The following LAMA2 variants were observed in gnomAD, a reference collection of about 807,000 sequenced individuals.
LAMA2 encodes the protein laminin subunit alpha 2, also known as laminin subunit alpha-2.
In LAMA2, 269 loss-of-function variants were observed where a neutral mutation model predicts 364.8. The ratio of observed to expected loss-of-function variants is 0.74; its 90% CI spans 0.67 to 0.82. LAMA2 has a LOEUF of 0.82. Among genes scored for constraint, LAMA2 ranks in the 40% least tolerant of loss-of-function variants. LAMA2 has a pLI of 0.00. For missense variants in LAMA2, 3,807 were observed against 3,873.2 expected (o/e 0.98, Z 0.45); for synonymous variants, 1,379 against 1,370.6 (o/e 1.01, Z -0.14).
intron 3 of LAMA2, among the ~76,000 whole-genome samples, chr6:129,074,778 A>G (rs1252439813): frequency 6.6e-6 from 1 of 152,230 alleles, no homozygotes. Context: ...TTATGAAGAA[A>G]GAATATGTAA....
intron 58 of LAMA2, among the ~76,000 whole-genome samples, chr6:129,499,841 C>T (rs1209729716): frequency 1.3e-5 from 2 of 152,142 alleles, no homozygotes; most frequent in African/African-American, 4.8e-5. Context: ...CCTTGGCCTC[C>T]CGAGTAGCTG....
At chr6:129,477,343 A>C (rs986402618) in intron 53 of LAMA2, among the ~76,000 whole-genome samples, 2 of 152,186 alleles carry the variant, frequency 1.3e-5, no homozygotes, top group African/African-American at 4.8e-5. Context: ...AGTTCTGTGG[A>C]ATAGCACTGT....
intron 4 of LAMA2, among the ~76,000 whole-genome samples, chr6:129,122,671 AC>A (rs1776866417): frequency 6.6e-6 from 1 of 152,098 alleles, no homozygotes; most frequent in African/African-American, 2.4e-5. Context: ...GCAGTTGTTC[AC>A]AACTGAGCTC....
chr6:129,200,975 T>C (rs1782249281), intron 12 of LAMA2, among the ~76,000 whole-genome samples: 2 of 152,118 alleles, frequency 1.3e-5, no homozygotes, highest in African/African-American at 4.8e-5. Context: ...AAGACAAACC[T>C]TTATAAAGAC....
At chr6:129,128,842 T>G (rs1777274535) in intron 4 of LAMA2, among the ~76,000 whole-genome samples, 1 of 152,246 alleles carries the variant, frequency 6.6e-6, no homozygotes, top group South Asian at 2.1e-4. Context: ...GTAAATGGCA[T>G]TTATATAGTA....
intron 63 of LAMA2, among the ~76,000 whole-genome samples, chr6:129,513,970 G>A (rs1043893166): frequency 1.3e-5 from 2 of 152,142 alleles, no homozygotes; most frequent in African/African-American, 4.8e-5. Context: ...AAATTAATGA[G>A]TCACTTTAAA....
intron 12 of LAMA2, among the ~76,000 whole-genome samples, chr6:129,229,082 A>T (rs1784510860): frequency 6.6e-6 from 1 of 152,176 alleles, no homozygotes; most frequent in Non-Finnish European, 1.5e-5. Context: ...CTTGCCAGAA[A>T]CTTTCTAGTT....
rs541183571 is a variant in LAMA2, at chr6:129,469,488, C to T, written c.7301-3726C>T. On this transcript the variant is annotated intron_variant, in intron 51 of 64. Coordinates refer to ENST00000421865, the MANE Select transcript of LAMA2 (RefSeq NM_000426.4). ...AGGTGGAGACACTGGAACTCATACA[C>T]TGCTGCTGAGGATATAAAGTGGCAT... Among the ~76,000 whole-genome samples, 4 of 151,984 alleles carry T rather than the reference C, an allele frequency of 2.6e-5. No individual in the cohort carries two copies. The East Asian group carries it at 7.8e-4, about 29-fold the overall frequency.
At chr6:129,158,087 C>A in intron 8 of LAMA2, 1 of 1,612,202 alleles carries the variant, frequency 6.2e-7, no homozygotes. Flanking sequence ...TTTCTGTGTG[C>A]AGGTGGCACA....
At chr6:128,946,965 C>G (rs961526871) in intron 1 of LAMA2, among the ~76,000 whole-genome samples, 2 of 152,136 alleles carry the variant, frequency 1.3e-5, no homozygotes, top group Non-Finnish European at 2.9e-5. Flanking sequence ...TTATATTTTT[C>G]CCCTAATTCA....
intron 1 of LAMA2, among the ~76,000 whole-genome samples, chr6:128,994,615 A>G (rs1783811536): frequency 6.6e-6 from 1 of 152,174 alleles, no homozygotes; most frequent in African/African-American, 2.4e-5. Flanking sequence ...AGCTTGTATC[A>G]CAGGAATCCT....
intron 1 of LAMA2, among the ~76,000 whole-genome samples, chr6:128,939,861 T>C (rs1780051410): frequency 6.6e-6 from 1 of 152,192 alleles, no homozygotes; most frequent in Non-Finnish European, 1.5e-5. Flanking sequence ...TCTCCCTGAG[T>C]GCTCTGAGTA....
At chr6:128,919,862 C>A (rs766895669) in intron 1 of LAMA2, among the ~76,000 whole-genome samples, 4 of 152,132 alleles carry the variant, frequency 2.6e-5, no homozygotes, top group Admixed American at 6.5e-5. Context: ...GCTGCCCCAG[C>A]CTAATTAATA....
chr6:129,135,235 G>A (rs1369596336), intron 4 of LAMA2, among the ~76,000 whole-genome samples: 1 of 152,140 alleles, frequency 6.6e-6, no homozygotes, highest in Non-Finnish European at 1.5e-5. Flanking sequence ...AGACAGGATT[G>A]GAATGGAATC....
At chr6:129,066,334 C>T (rs887607822) in intron 3 of LAMA2, among the ~76,000 whole-genome samples, 4 of 151,900 alleles carry the variant, frequency 2.6e-5, no homozygotes, top group East Asian at 1.9e-4. Flanking sequence ...CGTGAGCCAC[C>T]GCGCCCGGCC....
intron 1 of LAMA2, among the ~76,000 whole-genome samples, chr6:128,998,540 C>CAT (rs1784153553): frequency 4.9e-5 from 5 of 102,006 alleles, no homozygotes; most frequent in Non-Finnish European, 7.6e-5. Context: ...AGTGTGTGTG[C>CAT]GCACCGTGCG....
intron 4 of LAMA2, among the ~76,000 whole-genome samples, chr6:129,107,241 G>A (rs950338360): frequency 9.2e-5 from 14 of 152,130 alleles, no homozygotes; most frequent in East Asian, 1.9e-4. Flanking sequence ...GCCAGTTTAC[G>A]TGGTTATAAT....
intron 1 of LAMA2, among the ~76,000 whole-genome samples, chr6:128,992,314 G>A (rs573391506): frequency 1.4e-4 from 22 of 152,242 alleles, no homozygotes; most frequent in South Asian, 2.1e-4. Context: ...TTCATAGCAG[G>A]AGCGGGTACC....
At chr6:129,172,785 G>A (rs1347900325) in intron 9 of LAMA2, among the ~76,000 whole-genome samples, 1 of 152,222 alleles carries the variant, frequency 6.6e-6, no homozygotes, top group Admixed American at 6.5e-5. Flanking sequence ...CTGCTGCCTT[G>A]CAGTTTGATC....
Sources: allele counts gnomAD v4.1 joint callset (sites outside exome capture counted in the v4.1 genomes callset), GRCh38; gene constraint gnomAD v4.1.1; transcripts MANE v1.5; gene names NCBI Gene and HGNC (gene_info 2026-07-23, HGNC 2026-07-21).